Variants in LRP1B observed in about 807,000 individuals in gnomAD.
LRP1B encodes low-density lipoprotein receptor-related protein 1B.
Under a neutral mutation model 556.6 loss-of-function variants are expected in LRP1B, and 217 were observed. The observed-to-expected ratio is 0.39, with a 90% CI of 0.35 to 0.44. The LOEUF (loss-of-function observed/expected upper bound fraction) is 0.44, where lower values mean the gene tolerates loss of function less well. LRP1B is among the 20% of genes least tolerant of loss of function. The pLI, the probability that LRP1B is intolerant of heterozygous loss-of-function variation, is 1.00. For missense variants in LRP1B, 5,053 were observed against 5,620.8 expected, an observed-to-expected ratio of 0.90 and a Z score of 3.23; for synonymous variants, 2,047 against 1,865.8, an observed-to-expected ratio of 1.10 and a Z score of -2.50.
At chr2:140,580,867 G>A (rs1050183002) in intron 43 of LRP1B, among the ~76,000 whole-genome samples, 8 of 152,114 alleles carry the variant, frequency 5.3e-5, no homozygotes, top group Non-Finnish European at 1.0e-4. Context: ...TATCCTCCTG[G>A]ATGTGTCAAT....
At chr2:141,794,074 T>A (rs1220248611) in intron 2 of LRP1B, among the ~76,000 whole-genome samples, 1 of 151,966 alleles carries the variant, frequency 6.6e-6, no homozygotes, top group Non-Finnish European at 1.5e-5. Context: ...GGTCATCTAA[T>A]CATCAGCCTT....
chr2:141,485,421 G>A lies in LRP1B; in HGVS notation c.206-4888C>T, dbSNP rs572649873. Among the ~76,000 whole-genome samples, 10 of 152,246 alleles carry A rather than the reference G, an allele frequency of 6.6e-5. No homozygotes were observed. The South Asian group carries it at 2.1e-3, about 32-fold the overall frequency. The stretch of plus-strand genomic sequence containing the variant: ...CCGGTAATTAGCCTCACAGTTGAGG[G>A]AATAAATATTTCAGACCTCTTTGAC... On this transcript the variant is annotated intron_variant, in intron 2 of 90. Coordinates refer to ENST00000389484, the MANE Select transcript of LRP1B (RefSeq NM_018557.3).
At chr2:140,602,865 T>C (rs1682727091) in intron 41 of LRP1B, among the ~76,000 whole-genome samples, 1 of 152,058 alleles carries the variant, frequency 6.6e-6, no homozygotes, top group South Asian at 2.1e-4. Context: ...TTTTATTTTA[T>C]ACATAAAATA....
chr2:140,650,475 A>C (rs1218573929), intron 41 of LRP1B, among the ~76,000 whole-genome samples: 1 of 151,800 alleles, frequency 6.6e-6, no homozygotes, highest in African/African-American at 2.4e-5. Context: ...CAGCCTCCCA[A>C]GTACCTGGGA....
At chr2:141,480,278 T>G in intron 3 of LRP1B, 118 bp downstream of exon 3, 1 of 1,134,968 alleles carries the variant, frequency 8.8e-7, no homozygotes, top group Non-Finnish European at 1.3e-6. Context: ...AATTCATGCT[T>G]TCTTAATAAC....
intron 3 of LRP1B, among the ~76,000 whole-genome samples, chr2:141,353,795 TTTC>T (rs1231984281): frequency 6.6e-6 from 1 of 152,018 alleles, no homozygotes; most frequent in Non-Finnish European, 1.5e-5. Flanking sequence ...TCTACCTTTG[TTTC>T]TTCTTCTCCT....
chr2:141,141,998 G>A (rs1270891406), intron 7 of LRP1B, among the ~76,000 whole-genome samples: 2 of 148,330 alleles, frequency 1.3e-5, no homozygotes, highest in South Asian at 2.1e-4. Flanking sequence ...AAAACGATAG[G>A]GTTTTTTTTT....
chr2:141,677,215 G>T (rs1690916639), intron 2 of LRP1B, among the ~76,000 whole-genome samples: 1 of 152,044 alleles, frequency 6.6e-6, no homozygotes, highest in African/African-American at 2.4e-5. Flanking sequence ...AATGAAATTT[G>T]TTTCAAAAAA....
chr2:141,476,705 C>T (rs1020398181), intron 3 of LRP1B, among the ~76,000 whole-genome samples: 65 of 152,196 alleles, frequency 4.3e-4, no homozygotes, highest in African/African-American at 1.5e-3. Flanking sequence ...ATTCACAAAG[C>T]AATTCAGTTG....
chr2:141,596,111 C>CA (rs1687508887), intron 2 of LRP1B, among the ~76,000 whole-genome samples: 1 of 151,852 alleles, frequency 6.6e-6, no homozygotes, highest in African/African-American at 2.4e-5. Flanking sequence ...CGAACCATGG[C>CA]AAACCTTTTG....
intron 1 of LRP1B, among the ~76,000 whole-genome samples, chr2:142,107,991 A>C (rs925925462): frequency 3.3e-5 from 5 of 149,968 alleles, no homozygotes; most frequent in East Asian, 3.9e-4. Context: ...TTTTCATAAG[A>C]GCTTATGTCA....
At chr2:140,997,570 T>C (rs1317564007) in intron 15 of LRP1B, among the ~76,000 whole-genome samples, 1 of 151,968 alleles carries the variant, frequency 6.6e-6, no homozygotes, top group Non-Finnish European at 1.5e-5. Context: ...TTTCCCTCAA[T>C]TGATGCTTTG....
At chr2:140,635,030 A>C (rs574657349) in intron 41 of LRP1B, among the ~76,000 whole-genome samples, 77 of 152,216 alleles carry the variant, frequency 5.1e-4, no homozygotes, top group African/African-American at 1.7e-3. Context: ...CAATAGGGGA[A>C]ACTGAGTATG....
intron 21 of LRP1B, among the ~76,000 whole-genome samples, chr2:140,922,695 T>C (rs1205813276): frequency 6.6e-6 from 1 of 152,018 alleles, no homozygotes; most frequent in Non-Finnish European, 1.5e-5. Context: ...TTAATTAAAT[T>C]AAATCCTAAG....
At chr2:140,447,477 T>TA (rs998388331) in intron 63 of LRP1B, among the ~76,000 whole-genome samples, 15 of 152,072 alleles carry the variant, frequency 9.9e-5, no homozygotes, top group Non-Finnish European at 1.9e-4. Flanking sequence ...GCATCATGTT[T>TA]AAAAAAACTG....
chr2:140,850,145 T>G lies in LRP1B; in HGVS notation c.4896A>C (p.Arg1632=). ...WTDIKTQTIK[R]AFINGTGLET... is the part of the protein sequence containing the mutation. The stretch of plus-strand genomic sequence containing the variant: ...CTAACCCAGTTCCGTTAATAAAAGC[T>G]CGTTTAATGGTTTGTGTTTTAATAT... Residue 1632 remains arginine, a synonymous_variant, in exon 29 of 91, where the codon CGA becomes CGC. Transcript: ENST00000389484. The G allele has an allele frequency of 6.2e-7, 1 of 1,613,634 alleles. No homozygotes were observed. The highest frequency in any genetic ancestry group is 8.5e-7 in the Non-Finnish European group (1 of 1,179,726).
chr2:141,490,674 TAAATG>T (rs1209088578), intron 2 of LRP1B, among the ~76,000 whole-genome samples: 1 of 152,116 alleles, frequency 6.6e-6, no homozygotes, highest in African/African-American at 2.4e-5. Context: ...GATAAGAAAA[TAAATG>T]AAATCACTGT....
intron 1 of LRP1B, among the ~76,000 whole-genome samples, chr2:142,125,222 G>A (rs1239859381): frequency 2.6e-5 from 4 of 151,640 alleles, no homozygotes. Context: ...GATTATAGAA[G>A]ACAAACAGAA....
intron 4 of LRP1B, among the ~76,000 whole-genome samples, chr2:141,250,632 CT>C (rs1160337352): frequency 6.6e-6 from 1 of 152,082 alleles, no homozygotes; most frequent in Non-Finnish European, 1.5e-5. Context: ...GAGGAGAGGG[CT>C]GTAGGAATGC....
Sources: allele counts gnomAD v4.1 joint callset (sites outside exome capture counted in the v4.1 genomes callset), GRCh38; gene constraint gnomAD v4.1.1; transcripts MANE v1.5; gene names NCBI Gene and HGNC (gene_info 2026-07-23, HGNC 2026-07-21).